DIS3L2: variants seen among roughly 807,000 people sequenced by gnomAD.
DIS3L2 encodes the protein DIS3 like 3'-5' exoribonuclease 2.
DIS3L2 carries 34 observed loss-of-function variants against 97.5 expected under a neutral mutation model. The ratio of observed to expected loss-of-function variants is 0.35; its 90% CI spans 0.27 to 0.46. DIS3L2 has a LOEUF of 0.46. Among genes scored for constraint, DIS3L2 ranks in the 20% least tolerant of loss-of-function variants. The pLI is 1.00. For synonymous variants in DIS3L2, 435 were observed against 445.2 expected (o/e 0.98, Z 0.29); for missense variants, 1,038 against 1,146.0 (o/e 0.91, Z 1.36).
chr2:232,040,387 A>G (rs1695077344), intron 5 of DIS3L2, among the ~76,000 whole-genome samples: 1 of 152,148 alleles, frequency 6.6e-6, no homozygotes, highest in African/African-American at 2.4e-5. Context: ...AGGGAAACTG[A>G]AAGGGGGACC....
intron 10 of DIS3L2, among the ~76,000 whole-genome samples, chr2:232,221,667 G>A (rs927809117): frequency 6.6e-6 from 1 of 152,040 alleles, no homozygotes; most frequent in African/African-American, 2.4e-5. Flanking sequence ...AGCTGGGCAT[G>A]GCGGGCACCT....
chr2:232,070,208 G>A (rs1290555857), intron 5 of DIS3L2, among the ~76,000 whole-genome samples: 1 of 152,230 alleles, frequency 6.6e-6, no homozygotes, highest in Non-Finnish European at 1.5e-5. Context: ...GGAGGTTGCA[G>A]TGAGCCAAGA....
At chr2:231,980,794 A>G (rs1445962474) in intron 1 of DIS3L2, among the ~76,000 whole-genome samples, 1 of 152,162 alleles carries the variant, frequency 6.6e-6, no homozygotes. Flanking sequence ...CTCATTTTTA[A>G]TGGACCTCTT....
intron 1 of DIS3L2, among the ~76,000 whole-genome samples, chr2:231,988,459 C>G (rs529760298): frequency 6.6e-6 from 1 of 152,238 alleles, no homozygotes; most frequent in South Asian, 2.1e-4. Context: ...CTTTCCCTAT[C>G]TATCTGTGGT....
At chr2:232,321,357 C>T (rs1695426244) in intron 14 of DIS3L2, among the ~76,000 whole-genome samples, 1 of 152,186 alleles carries the variant, frequency 6.6e-6, no homozygotes, top group Admixed American at 6.5e-5. Context: ...ATGCATTGCC[C>T]AGCTCCGAGC....
intron 5 of DIS3L2, among the ~76,000 whole-genome samples, chr2:232,082,191 T>C (rs1296028203): frequency 6.6e-6 from 1 of 152,234 alleles, no homozygotes; most frequent in Non-Finnish European, 1.5e-5. Flanking sequence ...CCATACCTTT[T>C]GTTCTTTTCT....
rs939884615 is a variant in DIS3L2 at position 232,293,334 on chromosome 2, C to A, written c.1660-6706C>A. Among the ~76,000 whole-genome samples, 1 of 152,168 alleles carries A rather than the reference C, an allele frequency of 6.6e-6. No individual in the cohort carries two copies. The highest frequency in any genetic ancestry group is 2.4e-5 in the African/African-American group (1 of 41,436). On this transcript the variant is annotated intron_variant, in intron 13 of 20. Transcript: ENST00000325385. This position sits in a 1 kb window ranked among gnomAD's most constrained non-coding sequence, Gnocchi z 4.6. ...TATTTTGAAGGAATGACATTGGACA[C>A]CTGCTGTGACAGTGATAAGGACACC...
intron 14 of DIS3L2, 64 bp downstream of exon 14, chr2:232,300,183 T>G: frequency 6.7e-7 from 1 of 1,490,366 alleles, no homozygotes; most frequent in Non-Finnish European, 9.3e-7. Flanking sequence ...CTGTGGGCTT[T>G]CTGACACTGA....
chr2:232,322,209 C>T (rs1282962245), intron 14 of DIS3L2, among the ~76,000 whole-genome samples: 4 of 152,234 alleles, frequency 2.6e-5, no homozygotes, highest in Non-Finnish European at 5.9e-5. Context: ...GCAAATGATG[C>T]AGGGTCACCT....
At chr2:232,254,088 A>G (rs1200387273) in intron 12 of DIS3L2, among the ~76,000 whole-genome samples, 1 of 152,176 alleles carries the variant, frequency 6.6e-6, no homozygotes, top group African/African-American at 2.4e-5. Flanking sequence ...TATATACCAC[A>G]GTGCCATTAG....
At chr2:232,081,496 TTC>T (rs1364001935) in intron 5 of DIS3L2, among the ~76,000 whole-genome samples, 4 of 152,244 alleles carry the variant, frequency 2.6e-5, no homozygotes, top group Non-Finnish European at 4.4e-5. Context: ...CTTTTTTTTT[TTC>T]TTTCTTAATT....
chr2:232,341,418 A>G (rs1250896868), downstream of DIS3L2, among the ~76,000 whole-genome samples: 2 of 152,384 alleles, frequency 1.3e-5, no homozygotes, highest in East Asian at 1.9e-4. Flanking sequence ...AGTAGTACAT[A>G]CAGAATGATC....
At chr2:232,334,241 C>T in intron 17 of DIS3L2, 128 bp from the exon 18 acceptor site, 1 of 1,305,718 alleles carries the variant, frequency 7.7e-7, no homozygotes, top group South Asian at 1.4e-5. Context: ...CTTTCTGCTG[C>T]CCTGGGAGCT....
At chr2:232,264,911 C>G (rs1693814720) in intron 13 of DIS3L2, among the ~76,000 whole-genome samples, 1 of 152,202 alleles carries the variant, frequency 6.6e-6, no homozygotes, top group Non-Finnish European at 1.5e-5. Flanking sequence ...CTTCCCCAGC[C>G]TGGGCTCGGG....
intron 6 of DIS3L2, among the ~76,000 whole-genome samples, chr2:232,110,506 T>C (rs1335970902): frequency 3.3e-5 from 5 of 152,212 alleles, no homozygotes. Context: ...TTTCTATGAA[T>C]ACTTTGCAGC....
At chr2:232,311,164 G>A (rs1405503567) in intron 14 of DIS3L2, among the ~76,000 whole-genome samples, 1 of 152,220 alleles carries the variant, frequency 6.6e-6, no homozygotes, top group Non-Finnish European at 1.5e-5. Flanking sequence ...AAATGGGGGA[G>A]CCGCAAAAAT....
chr2:232,004,589 T>C (rs1694000328), intron 1 of DIS3L2, among the ~76,000 whole-genome samples: 1 of 151,804 alleles, frequency 6.6e-6, no homozygotes, highest in Non-Finnish European at 1.5e-5. Flanking sequence ...CTTTTTTTTT[T>C]TTTCTTTTTG....
At chr2:232,039,451 G>A (rs1227292304) in intron 5 of DIS3L2, among the ~76,000 whole-genome samples, 2 of 152,016 alleles carry the variant, frequency 1.3e-5, no homozygotes, top group Non-Finnish European at 2.9e-5. Context: ...CACTCCTCTT[G>A]GGTATGTAAA....
chr2:232,061,912 A>G (rs1349433283), intron 5 of DIS3L2, among the ~76,000 whole-genome samples: 1 of 152,174 alleles, frequency 6.6e-6, no homozygotes, highest in Non-Finnish European at 1.5e-5. Flanking sequence ...GCTGTACCAC[A>G]CTTGGGCCCA....
Sources: allele counts gnomAD v4.1 joint callset (sites outside exome capture counted in the v4.1 genomes callset), GRCh38; gene constraint gnomAD v4.1.1; non-coding constraint Gnocchi (gnomAD v3.1); transcripts MANE v1.5; gene names NCBI Gene and HGNC (gene_info 2026-07-23, HGNC 2026-07-21).